Variants in TPD52 observed in about 807,000 individuals in gnomAD.
The protein encoded by TPD52 is prostate and colon associated protein.
TPD52 carries 17 observed loss-of-function variants against 31.3 expected under a neutral mutation model. The observed-to-expected ratio is 0.54, with a 90% CI of 0.37 to 0.82. TPD52 has a LOEUF of 0.82. Ranked by LOEUF, TPD52 falls within the 40% of genes least tolerant of loss-of-function variation. The probability of loss-of-function intolerance (pLI) is 0.00; values close to 1 mark genes in which losing one functional copy is unlikely to be tolerated. For missense variants in TPD52, 212 were observed against 240.1 expected (o/e 0.88, Z 0.77); for synonymous variants, 83 against 89.6 (o/e 0.93, Z 0.42).
At chr8:80,171,149 A>C in intron 1 of TPD52, 1 of 686,698 alleles carries the variant, frequency 1.5e-6, no homozygotes, top group Non-Finnish European at 2.7e-6. Flanking sequence ...CCCTGACGCT[A>C]GCCCCTTCGC....
At chr8:80,072,804 T>C (rs1410538879) in intron 1 of TPD52, among the ~76,000 whole-genome samples, 4 of 150,436 alleles carry the variant, frequency 2.7e-5, no homozygotes, top group African/African-American at 7.5e-5. Flanking sequence ...CACACATATA[T>C]ATATATATAT....
intron 1 of TPD52, among the ~76,000 whole-genome samples, chr8:80,136,263 G>A (rs1053610978): frequency 4.7e-5 from 7 of 149,858 alleles, no homozygotes; most frequent in African/African-American, 1.2e-4. Context: ...GGTGGCTCAC[G>A]CCTGTAATCC....
At chr8:80,124,395 A>C (rs899731148) in intron 1 of TPD52, among the ~76,000 whole-genome samples, 1 of 151,908 alleles carries the variant, frequency 6.6e-6, no homozygotes, top group Non-Finnish European at 1.5e-5. Context: ...CTAGTCTCGA[A>C]CTCCTGGGCT....
chr8:80,092,531 A>G (rs1693579102), intron 1 of TPD52, among the ~76,000 whole-genome samples: 1 of 152,234 alleles, frequency 6.6e-6, no homozygotes, highest in South Asian at 2.1e-4. Context: ...ACCTATATTC[A>G]TTAATAGTTG....
chr8:80,103,814 A>G (rs1806912141), intron 1 of TPD52, among the ~76,000 whole-genome samples: 1 of 152,302 alleles, frequency 6.6e-6, no homozygotes, highest in East Asian at 1.9e-4. Context: ...TTAGACAAAA[A>G]CCAAACTGGG....
intron 1 of TPD52, among the ~76,000 whole-genome samples, chr8:80,133,081 A>G (rs898023973): frequency 1.3e-5 from 2 of 152,204 alleles, no homozygotes; most frequent in African/African-American, 4.8e-5. Context: ...AACACCTCTT[A>G]GCTGCATAAC....
At chr8:80,087,153 C>T (rs1003923294) in intron 1 of TPD52, among the ~76,000 whole-genome samples, 10 of 151,996 alleles carry the variant, frequency 6.6e-5, no homozygotes, top group Non-Finnish European at 2.9e-5. Context: ...TTCCCCCCAT[C>T]AACTTTTAAG....
intron 2 of TPD52, among the ~76,000 whole-genome samples, chr8:80,055,971 A>C (rs1434826587): frequency 6.6e-6 from 1 of 152,212 alleles, no homozygotes. Context: ...TATGAAAAAC[A>C]GTATGGAGGT....
intron 2 of TPD52, among the ~76,000 whole-genome samples, chr8:80,063,590 G>C (rs1812779692): frequency 6.6e-6 from 1 of 152,030 alleles, no homozygotes; most frequent in Admixed American, 6.6e-5. Context: ...TTAAGGTCAG[G>C]AGTTCGAAAC....
chr8:80,148,870 G>T (rs1810381988), intron 1 of TPD52, among the ~76,000 whole-genome samples: 1 of 152,104 alleles, frequency 6.6e-6, no homozygotes, highest in African/African-American at 2.4e-5. Context: ...GTTGTACAGA[G>T]AAAAATCATT....
At chr8:80,049,246 C>T (rs771190072) in intron 5 of TPD52, among the ~76,000 whole-genome samples, 2 of 152,168 alleles carry the variant, frequency 1.3e-5, no homozygotes, top group Non-Finnish European at 2.9e-5. Context: ...TTTTAAGCTT[C>T]ATTCTAATAA....
chr8:80,120,534 G>A (rs1808192182), intron 1 of TPD52, among the ~76,000 whole-genome samples: 1 of 152,120 alleles, frequency 6.6e-6, no homozygotes, highest in Non-Finnish European at 1.5e-5. Flanking sequence ...ATGACAGGTT[G>A]ATCCTGTAAA....
At chr8:80,119,699 A>G (rs1808118838) in intron 1 of TPD52, 1 of 160,696 alleles carries the variant, frequency 6.2e-6, no homozygotes, top group South Asian at 1.5e-4. Context: ...TAAAATTAAA[A>G]GAATATATGG....
chr8:80,070,033 T>C (rs1379820147), intron 1 of TPD52, among the ~76,000 whole-genome samples: 1 of 152,246 alleles, frequency 6.6e-6, no homozygotes, highest in African/African-American at 2.4e-5. Flanking sequence ...AAAGATTTAA[T>C]TAAAGTAGCT....
chr8:80,135,024 T>C (rs751918712), intron 1 of TPD52, among the ~76,000 whole-genome samples: 5 of 152,124 alleles, frequency 3.3e-5, no homozygotes, highest in African/African-American at 4.8e-5. Flanking sequence ...AGTTCATGAA[T>C]TCCCTTCCAG....
intron 1 of TPD52, among the ~76,000 whole-genome samples, chr8:80,096,056 G>C (rs1816709034): frequency 6.6e-6 from 1 of 152,158 alleles, no homozygotes; most frequent in Admixed American, 6.5e-5. Context: ...AGGAATTTGA[G>C]GCCAGCCTGG....
Position 80,053,593 on chromosome 8 carries a change from C to T in TPD52, c.136-163G>A, listed in dbSNP as rs978954997. Among the ~76,000 whole-genome samples, 4 of 152,136 alleles carry T rather than the reference C, an allele frequency of 2.6e-5. No individual in the cohort carries two copies. In the East Asian group the frequency reaches 5.8e-4, roughly 22 times the overall value. On this transcript the variant is annotated intron_variant, in intron 2 of 7. Transcript: ENST00000518937. ...ATAATGTTGTTGAGTAAACTGGTTA[C>T]TTGCTGATCTCTCCTGTAGAGTTCT...
intron 7 of TPD52, among the ~76,000 whole-genome samples, chr8:80,041,955 G>A: frequency 6.6e-6 from 1 of 152,064 alleles, no homozygotes; most frequent in Non-Finnish European, 1.5e-5. Context: ...CGGGTGTGGT[G>A]GCACGCGCCT....
intron 7 of TPD52, among the ~76,000 whole-genome samples, chr8:80,038,864 C>A (rs1237951707): frequency 2.0e-5 from 3 of 152,192 alleles, no homozygotes; most frequent in African/African-American, 7.2e-5. Context: ...GTTTGTGAAG[C>A]ACTACTCCAA....
Sources: allele counts gnomAD v4.1 joint callset (sites outside exome capture counted in the v4.1 genomes callset), GRCh38; gene constraint gnomAD v4.1.1; transcripts MANE v1.5; gene names NCBI Gene and HGNC (gene_info 2026-07-23, HGNC 2026-07-21).